TMEM117: variants seen among roughly 807,000 people sequenced by gnomAD.
TMEM117 encodes the protein transmembrane protein 117.
A neutral mutation model predicts 52.4 loss-of-function variants in TMEM117; 27 were observed. The observed-to-expected ratio is 0.51, with a 90% confidence interval of 0.38 to 0.71. TMEM117 has a LOEUF of 0.71. TMEM117 is among the 30% of genes least tolerant of loss of function. The pLI is 0.00. For synonymous variants in TMEM117, 215 were observed against 206.3 expected, an observed-to-expected ratio of 1.04 and a Z score of -0.36; for missense variants, 556 against 630.5, an observed-to-expected ratio of 0.88 and a Z score of 1.26.
chr12:44,008,455 A>G (rs1946237049), intron 3 of TMEM117, among the ~76,000 whole-genome samples: 1 of 152,222 alleles, frequency 6.6e-6, no homozygotes, highest in African/African-American at 2.4e-5. Context: ...GTCTTGTGCT[A>G]GGCACTGAAG....
At chr12:44,052,840 A>G (rs1946996424) in intron 3 of TMEM117, among the ~76,000 whole-genome samples, 1 of 152,112 alleles carries the variant, frequency 6.6e-6, no homozygotes, top group South Asian at 2.1e-4. Flanking sequence ...TCTCAGGTGT[A>G]GGCTCACTTT....
At chr12:44,220,023 T>C (rs1185158122) in intron 5 of TMEM117, among the ~76,000 whole-genome samples, 2 of 152,130 alleles carry the variant, frequency 1.3e-5, no homozygotes, top group Non-Finnish European at 2.9e-5. Context: ...GCTCATTCCA[T>C]AGAACACAAT....
intron 3 of TMEM117, among the ~76,000 whole-genome samples, chr12:43,970,375 G>A (rs1945562132): frequency 1.3e-5 from 2 of 151,826 alleles, no homozygotes; most frequent in East Asian, 1.9e-4. Flanking sequence ...TGCAAGCTCC[G>A]CCTCCTGGGT....
chr12:44,206,620 T>A (rs988820458), intron 4 of TMEM117, among the ~76,000 whole-genome samples: 1 of 152,188 alleles, frequency 6.6e-6, no homozygotes, highest in African/African-American at 2.4e-5. Flanking sequence ...TACCATCAAG[T>A]ACTATGCAGC....
At position 43,885,311 on chromosome 12, in the gene TMEM117, C is replaced by T. The variant is rs74800431; in HGVS notation, c.277+40383C>T. ...CCCTGTGCCTGTGTAGGCTTGTTGT[C>T]AACATGTGAGTGCTTCAAAGAGAAT... is the stretch of plus-strand genomic sequence containing the variant. On this transcript the variant is annotated intron_variant, in intron 2 of 7. Coordinates refer to ENST00000266534, the MANE Select transcript of TMEM117 (RefSeq NM_032256.3). Among the ~76,000 whole-genome samples the T allele has an allele frequency of 5.3e-5, 8 of 152,132 alleles. No homozygotes were observed. In the East Asian group the frequency reaches 1.5e-3, roughly 29 times the overall value.
chr12:44,046,854 A>G (rs899665712), intron 3 of TMEM117, among the ~76,000 whole-genome samples: 4 of 152,122 alleles, frequency 2.6e-5, no homozygotes, highest in South Asian at 2.1e-4. Context: ...CCTTTATGTA[A>G]TAGTATTTTT....
Position 44,090,166 on chromosome 12 carries a change from C to T in TMEM117, c.411-53359C>T, listed in dbSNP as rs540208012. The stretch of plus-strand genomic sequence containing the variant: ...GAGATATTTGTGATTGATTTAACCA[C>T]CTTTAAACAATGTTTTTAATTTAAA... On this transcript the variant is annotated intron_variant, in intron 3 of 7. Coordinates refer to ENST00000266534, the MANE Select transcript of TMEM117 (RefSeq NM_032256.3). Among the ~76,000 whole-genome samples, 13 of 152,164 alleles carry T rather than the reference C, an allele frequency of 8.5e-5. No individual in the cohort carries two copies. In the South Asian group the frequency reaches 2.7e-3, roughly 32 times the overall value.
the TMEM117 span, chr12:43,806,231 G>A: frequency 8.4e-6 from 13 of 1,538,862 alleles, no homozygotes; most frequent in East Asian, 2.5e-5. Flanking sequence ...CTTGGATGCC[G>A]GTCTGGTGGG....
intron 4 of TMEM117, among the ~76,000 whole-genome samples, chr12:44,187,537 G>C (rs900668418): frequency 6.6e-6 from 1 of 152,104 alleles, no homozygotes; most frequent in East Asian, 1.9e-4. Context: ...TTAATACTAT[G>C]TGCTAAGGAA....
chr12:43,959,587 T>C (rs923400519), intron 3 of TMEM117, among the ~76,000 whole-genome samples: 3 of 152,204 alleles, frequency 2.0e-5, no homozygotes, highest in Non-Finnish European at 4.4e-5. Context: ...CAGGTGCACA[T>C]TTTTACTGAT....
intron 2 of TMEM117, among the ~76,000 whole-genome samples, chr12:43,916,971 G>A (rs1309922447): frequency 6.6e-6 from 1 of 150,896 alleles, no homozygotes; most frequent in East Asian, 2.0e-4. Context: ...CAGCCTCCTA[G>A]AGCATAATCA....
In TMEM117 at chr12:43,901,207, A is replaced by G. The variant is rs1192974754; in HGVS notation, c.278-43003A>G. On this transcript the variant is annotated intron_variant, in intron 2 of 7. Coordinates refer to ENST00000266534, the MANE Select transcript of TMEM117 (RefSeq NM_032256.3). ...GCAAAGGCTTTCTGAAAAGAATGAA[A>G]CAAGTTATGTTTCTGCTAGTAGCAT... Among the ~76,000 whole-genome samples, 3 of 152,236 alleles carry G rather than the reference A, an allele frequency of 2.0e-5. No individual in the cohort carries two copies. The East Asian group carries it at 5.8e-4, about 29-fold the overall frequency.
the TMEM117 span, among the ~76,000 whole-genome samples, chr12:43,807,291 T>C: frequency 7.2e-5 from 11 of 152,344 alleles, no homozygotes; most frequent in African/African-American, 2.6e-4. Flanking sequence ...TCCAGTACTA[T>C]ACGATGTATT....
chr12:43,871,955 G>T (rs1413663433), intron 2 of TMEM117, among the ~76,000 whole-genome samples: 1 of 152,136 alleles, frequency 6.6e-6, no homozygotes, highest in Non-Finnish European at 1.5e-5. Context: ...ATGGATGTGA[G>T]TAATCATAGC....
At chr12:44,358,105 G>T (rs1013618712) in intron 6 of TMEM117, among the ~76,000 whole-genome samples, 1 of 152,154 alleles carries the variant, frequency 6.6e-6, no homozygotes, top group African/African-American at 2.4e-5. Context: ...TCACTTATAA[G>T]TGGGAGCTAA....
the TMEM117 span, among the ~76,000 whole-genome samples, chr12:43,821,765 G>A: frequency 5.3e-5 from 8 of 152,180 alleles, no homozygotes; most frequent in African/African-American, 1.7e-4. Flanking sequence ...TATTCTGTTT[G>A]TGTTATACTT....
chr12:44,147,030 ACTTTTCCTGG>A, intron 4 of TMEM117, among the ~76,000 whole-genome samples: 1 of 152,278 alleles, frequency 6.6e-6, no homozygotes, highest in East Asian at 1.9e-4. Context: ...GGCAGCTCTG[ACTTTTCCTGG>A]CTCTGTGGTA....
chr12:44,154,223 A>G (rs1049352786), intron 4 of TMEM117, among the ~76,000 whole-genome samples: 1 of 152,114 alleles, frequency 6.6e-6, no homozygotes, highest in Non-Finnish European at 1.5e-5. Context: ...GTAAGATCAA[A>G]TAAATTTCTC....
At chr12:44,212,469 G>A (rs1285684234) in intron 5 of TMEM117, among the ~76,000 whole-genome samples, 1 of 152,104 alleles carries the variant, frequency 6.6e-6, no homozygotes, top group African/African-American at 2.4e-5. Flanking sequence ...CTTCCTTTAA[G>A]TGAAAAGGTG....
Sources: gnomAD v4.1 joint callset for allele counts (sites outside exome capture counted in the v4.1 genomes callset) on GRCh38, gnomAD v4.1.1 for gene constraint, MANE v1.5 for transcripts, NCBI Gene and HGNC (gene_info 2026-07-23, HGNC 2026-07-21) for gene names.